TMEM130: variants seen among roughly 807,000 people sequenced by gnomAD.
TMEM130 encodes the protein transmembrane protein 130.
A neutral mutation model predicts 42.9 loss-of-function variants in TMEM130; 37 were observed. That is an observed-to-expected ratio of 0.86 (90% CI 0.66 to 1.13). TMEM130 has a LOEUF of 1.13. Among genes scored for constraint, TMEM130 ranks in the 50% most tolerant of loss-of-function variants. The pLI, the probability that TMEM130 is intolerant of heterozygous loss-of-function variation, is 0.00. For missense variants in TMEM130, 545 were observed against 562.6 expected (o/e 0.97, Z 0.32); for synonymous variants, 259 against 237.7 (o/e 1.09, Z -0.82).
At chr7:98,867,259 G>T (rs932858032) in intron 1 of TMEM130, among the ~76,000 whole-genome samples, 1 of 152,126 alleles carries the variant, frequency 6.6e-6, no homozygotes, top group Non-Finnish European at 1.5e-5. Flanking sequence ...AACAGAGTGG[G>T]TATATGATAT....
intron 2 of TMEM130, among the ~76,000 whole-genome samples, chr7:98,861,294 C>T (rs1258679181): frequency 4.6e-5 from 7 of 151,394 alleles, no homozygotes; most frequent in Admixed American, 2.0e-4. Context: ...GTCGAGATCG[C>T]GCCACTGCAC....
intron 1 of TMEM130, among the ~76,000 whole-genome samples, chr7:98,867,582 A>G (rs1351414669): frequency 6.6e-6 from 1 of 152,112 alleles, no homozygotes; most frequent in Non-Finnish European, 1.5e-5. Flanking sequence ...AGACAGACGC[A>G]TGTTATCACG....
At chr7:98,855,463 T>C in intron 4 of TMEM130, 139 bp from the exon 5 acceptor site, 1 of 689,754 alleles carries the variant, frequency 1.4e-6, no homozygotes, top group Non-Finnish European at 2.3e-6. Context: ...CTGTGCGGGG[T>C]TCCTCTGGGT....
Position 98,860,338 on chromosome 7 carries a change from T to C in TMEM130, c.392A>G (p.Glu131Gly), listed in dbSNP as rs1349033502. The change falls in exon 3 of 8, where the codon GAG (glutamate) becomes GGG (glycine). Residue 131 changes from glutamate (E) to glycine (G), a missense_variant and splice_region_variant. Coordinates refer to ENST00000339375, the MANE Select transcript of TMEM130 (RefSeq NM_152913.3). The part of the protein sequence containing the change: ...ARGFVVLPIT[E>G]FLVGDLVVTQ... ...GACAACAAGGTCCCCCACGAGGAAC[T>C]CTGGGAGAGAGAGAGACACGGGAGG... The C allele has an allele frequency of 6.3e-7, 1 of 1,585,540 alleles. No individual in the cohort carries two copies. The highest frequency in any genetic ancestry group is 8.6e-7 in the Non-Finnish European group (1 of 1,163,344).
chr7:98,864,576 T>C (rs907124151), intron 1 of TMEM130, among the ~76,000 whole-genome samples: 10 of 151,366 alleles, frequency 6.6e-5, no homozygotes, highest in African/African-American at 2.4e-4. Context: ...CCTCCTCTCC[T>C]CACTCCTCTC....
rs1554401040 is a variant in TMEM130 at position 98,869,360 on chromosome 7, G to T, written c.85+417C>A. 4 of 1,207,012 alleles carry T rather than the reference G, an allele frequency of 3.3e-6. No homozygotes were observed. Among genetic ancestry groups the T allele is most frequent in the Non-Finnish European group, 3.1e-6 (3 of 953,288 alleles). The allele number at this position is 1,207,012 out of a possible 1,614,324, so 74.8% of individuals were successfully genotyped here. On this transcript the variant is annotated intron_variant, in intron 1 of 7. Transcript: ENST00000339375. The surrounding 1 kb of genome is among the most constrained non-coding windows in gnomAD (Gnocchi z 4.7). ...TGAGGCGACATTTTAAGGCAAAAAC[G>T]TTGCCCATCCCGTGCTCCCTGGGGG...
chr7:98,850,273 A>ATATTTTTTTTTTTTTTTTTTTTTTT, intron 6 of TMEM130, among the ~76,000 whole-genome samples: 1 of 35,472 alleles, frequency 2.8e-5, no homozygotes, highest in Non-Finnish European at 6.3e-5. Context: ...ATATATATAT[A>ATATTTTTTTTTTTTTTTTTTTTTTT]TTTTTTTTTT....
At position 98,851,524 on chromosome 7, in the gene TMEM130, C is replaced by A; in HGVS notation, c.903G>T (p.Leu301=). Residue 301 remains leucine (L), a synonymous_variant, in exon 6 of 8, where the codon CTG becomes CTT. Coordinates refer to ENST00000339375, the MANE Select transcript of TMEM130 (RefSeq NM_152913.3). ...PVSVASTAYN[L]THTFRDPGDY... ...CCCCAGGGTCCCTGAAGGTGTGGGT[C>A]AGGTTGTACGCTGTGCTGGCCACGG... is the stretch of plus-strand genomic sequence containing the variant. 6.2e-7 allele frequency: 1 copy of A among 1,614,064 alleles called. No individual in the cohort carries two copies. Among genetic ancestry groups the A allele is most frequent in the South Asian group, 1.1e-5 (1 of 91,062 alleles).
intron 2 of TMEM130, among the ~76,000 whole-genome samples, chr7:98,860,570 T>A (rs1461399129): frequency 6.6e-6 from 1 of 152,102 alleles, no homozygotes; most frequent in Non-Finnish European, 1.5e-5. Context: ...ACCGGAGGAC[T>A]CTGTCACATT....
intron 3 of TMEM130, among the ~76,000 whole-genome samples, chr7:98,857,454 C>T (rs1158275392): frequency 6.6e-6 from 1 of 152,162 alleles, no homozygotes; most frequent in Non-Finnish European, 1.5e-5. Context: ...AATACCAACA[C>T]TTTGGGAAGC....
intron 1 of TMEM130, among the ~76,000 whole-genome samples, chr7:98,865,356 C>G (rs562864715): frequency 6.6e-6 from 1 of 152,318 alleles, no homozygotes; most frequent in South Asian, 2.1e-4. Context: ...ACCTGTAATT[C>G]CAGCACTTTG....
intron 1 of TMEM130, among the ~76,000 whole-genome samples, chr7:98,864,830 G>A (rs548854785): frequency 8.9e-4 from 135 of 152,280 alleles, no homozygotes; most frequent in Non-Finnish European, 1.5e-3. Context: ...AACCCAAGAG[G>A]CAGAGATTGC....
chr7:98,863,539 G>A, intron 1 of TMEM130, 139 bp from the exon 2 acceptor site: 1 of 781,188 alleles, frequency 1.3e-6, no homozygotes, highest in South Asian at 2.1e-5. Flanking sequence ...ACTTGCCCAA[G>A]GGTCACTCAG....
intron 6 of TMEM130, among the ~76,000 whole-genome samples, chr7:98,851,125 AGTGGTGCTGGTGTTGATG>A (rs1257549144): frequency 6.6e-6 from 1 of 151,934 alleles, no homozygotes; most frequent in Non-Finnish European, 1.5e-5. Flanking sequence ...TACAGTTGTT[AGTGGTGCTGGTGTTGATG>A]GTGGTGCTGG....
At chr7:98,851,043 G>A (rs1275431261) in intron 6 of TMEM130, among the ~76,000 whole-genome samples, 1 of 152,136 alleles carries the variant, frequency 6.6e-6, no homozygotes, top group Non-Finnish European at 1.5e-5. Context: ...TTATAGAGTC[G>A]TTAGTGGTGG....
In TMEM130 at chr7:98,866,045, C is replaced by T. The variant is rs543586998; in HGVS notation, c.86-2645G>A. 1.9e-4 allele frequency: 30 copies of T among 156,664 alleles called. No homozygotes were observed. In the South Asian group the frequency reaches 4.8e-3, roughly 25 times the overall value. 9.7% of individuals were successfully genotyped at this position (156,664 alleles called of 1,614,324 possible). ...ATTGCATCTCGGTCAGGCACGGTGGCTCATGCCTGTAATTCCAGCACTTTG... is the reference window on the plus strand; with the variant it reads ...ATTGCATCTCGGTCAGGCACGGTGGTTCATGCCTGTAATTCCAGCACTTTG... On this transcript the variant is annotated intron_variant, in intron 1 of 7. Transcript: ENST00000339375.
rs546955016 is a variant in TMEM130 at position 98,864,059 on chromosome 7, ATTTT to A, written c.86-663_86-660del. On this transcript the variant is annotated intron_variant, in intron 1 of 7. Transcript: ENST00000339375. ...AGGCACACACCACCACACCCAGCTA[ATTTT>A]TTATTTTTTGTAGAGATGGGGGTCT... Among the ~76,000 whole-genome samples the A allele has an allele frequency of 8.3e-4, 126 of 151,804 alleles. 1 individual carries two copies. The highest frequency in any genetic ancestry group is 2.9e-3 in the African/African-American group (118 of 41,386).
intron 3 of TMEM130, among the ~76,000 whole-genome samples, chr7:98,859,394 A>T (rs1230931761): frequency 1.3e-5 from 2 of 152,208 alleles, no homozygotes; most frequent in African/African-American, 2.4e-5. Flanking sequence ...TCAAATGGGA[A>T]AAAATCTCAT....
intron 3 of TMEM130, among the ~76,000 whole-genome samples, chr7:98,859,134 G>GGAGGAAGGGAGT (rs1794699491): frequency 1.3e-5 from 2 of 150,862 alleles, no homozygotes; most frequent in African/African-American, 4.9e-5. Flanking sequence ...AGGGAGGGAG[G>GGAGGAAGGGAGT]GAGGAAGGGA....
Sources: allele counts gnomAD v4.1 joint callset (sites outside exome capture counted in the v4.1 genomes callset), GRCh38; gene constraint gnomAD v4.1.1; non-coding constraint Gnocchi (gnomAD v3.1); transcripts MANE v1.5; gene names NCBI Gene and HGNC (gene_info 2026-07-23, HGNC 2026-07-21).